TBRG1: variants seen among roughly 807,000 people sequenced by gnomAD.
The protein encoded by TBRG1 is nuclear interactor of ARF and MDM2.
In TBRG1, 31 loss-of-function variants were observed where a neutral mutation model predicts 44.0. The observed-to-expected ratio is 0.70, with a 90% confidence interval of 0.53 to 0.95. The LOEUF is 0.95. TBRG1 is among the 40% of genes least tolerant of loss of function. The pLI, the probability that TBRG1 is intolerant of heterozygous loss-of-function variation, is 0.00. For missense variants in TBRG1, 487 were observed against 496.1 expected (o/e 0.98, Z 0.18); for synonymous variants, 171 against 188.1 (o/e 0.91, Z 0.74).
chr11:124,628,173 C>T (rs1184697921), intron 5 of TBRG1, among the ~76,000 whole-genome samples: 1 of 144,528 alleles, frequency 6.9e-6, no homozygotes, highest in Non-Finnish European at 1.5e-5. Context: ...ATTCTTGTAT[C>T]TCTTTCCAGA....
Position 124,635,460 on chromosome 11 carries a change from C to CA in TBRG1, c.*3227dup, listed in dbSNP as rs989542465. The CA allele has an allele frequency of 2.0e-5, 3 of 152,058 alleles. No individual in the cohort carries two copies. Among genetic ancestry groups the CA allele is most frequent in the East Asian group, 3.9e-4 (2 of 5,194 alleles). 9.4% of individuals were successfully genotyped at this position (152,058 alleles called of 1,614,324 possible). The stretch of plus-strand genomic sequence containing the variant: ...ACTCTACAGAGGGGTAGAACTAAAG[C>CA]AAAAACCATCATTCACCCTACAGAG... On this transcript the variant is annotated 3_prime_UTR_variant, in exon 9 of 9. Coordinates refer to ENST00000441174, the MANE Select transcript of TBRG1 (RefSeq NM_032811.3).
intron 8 of TBRG1, 43 bp from the exon 9 acceptor site, chr11:124,632,050 G>C (rs757053422): frequency 1.9e-6 from 3 of 1,603,346 alleles, no homozygotes; most frequent in Admixed American, 3.3e-5. Flanking sequence ...AGTCTGCCCA[G>C]ACTCCCGAGC....
At chr11:124,628,559 G>A (rs1007904690) in intron 5 of TBRG1, among the ~76,000 whole-genome samples, 4 of 139,682 alleles carry the variant, frequency 2.9e-5, no homozygotes, top group Non-Finnish European at 6.4e-5. Flanking sequence ...GCATTTCACA[G>A]AAACAGTGCA....
intron 6 of TBRG1, 49 bp from the exon 7 acceptor site, chr11:124,630,696 T>C: frequency 7.4e-7 from 1 of 1,352,186 alleles, no homozygotes. Context: ...TAAATCCATC[T>C]TCATCTCCCG....
At chr11:124,630,000 G>A (rs4411285) in intron 5 of TBRG1, 2,917 of 160,578 alleles carry the variant, frequency 0.018, 68 homozygotes, top group East Asian at 0.095. Flanking sequence ...CAATGAAATG[G>A]CAGTTTGCAG....
chr11:124,625,989 G>A, intron 3 of TBRG1, 86 bp downstream of exon 3: 5 of 1,448,186 alleles, frequency 3.5e-6, no homozygotes, highest in Non-Finnish European at 4.6e-6. Context: ...GACACACACA[G>A]CTGCAGATGT....
At position 124,626,908 on chromosome 11, in the gene TBRG1, T is replaced by C. The variant is rs1942488642; in HGVS notation, c.596T>C (p.Ile199Thr). 1.2e-6 allele frequency: 2 copies of C among 1,605,280 alleles called. No individual in the cohort carries two copies. The highest frequency in any genetic ancestry group is 8.5e-7 in the Non-Finnish European group (1 of 1,175,472). The change falls in exon 5 of 9, where the codon ATC (isoleucine) becomes ACC (threonine). Residue 199 changes from isoleucine (I) to threonine (T), a missense_variant. Ile to Thr is a moderately conservative substitution (Grantham distance 89, BLOSUM62 -1). Coordinates refer to ENST00000441174, the MANE Select transcript of TBRG1 (RefSeq NM_032811.3). ...TTGGGGGAATGTTTTTTATAGATCATCACCGACCGACCTGGCTTTCATGAT... is the reference window on the plus strand; with the variant it reads ...TTGGGGGAATGTTTTTTATAGATCACCACCGACCGACCTGGCTTTCATGAT... ...GLTVYSLGEI[I>T]TDRPGFHDES...
intron 1 of TBRG1, among the ~76,000 whole-genome samples, chr11:124,624,070 T>C (rs1157843434): frequency 1.3e-5 from 2 of 152,220 alleles, no homozygotes; most frequent in Non-Finnish European, 2.9e-5. Flanking sequence ...GCACTTGCTA[T>C]GTGTATTGCT....
At chr11:124,630,904 G>A (rs776767666) in intron 7 of TBRG1, 49 bp downstream of exon 7, 39 of 1,316,380 alleles carry the variant, frequency 3.0e-5, no homozygotes, top group Middle Eastern at 1.8e-4. Flanking sequence ...GTGATCATCC[G>A]GCCAGGGACT....
In TBRG1 at chr11:124,634,035, A is replaced by G. The variant is rs907774834; in HGVS notation, c.*1797A>G. On this transcript the variant is annotated 3_prime_UTR_variant, in exon 9 of 9. Transcript: ENST00000441174. ...AAGATATGTGTAAAATGTTTTTACT[A>G]TGGATCATGGATTTAAGAAACTTGA... is the stretch of plus-strand genomic sequence containing the variant. 23 of 152,246 alleles carry G rather than the reference A, an allele frequency of 1.5e-4. No individual in the cohort carries two copies. The highest frequency in any genetic ancestry group is 5.3e-4 in the African/African-American group (22 of 41,462). The allele number at this position is 152,246 out of a possible 1,614,324, so 9.4% of individuals were successfully genotyped here. A position where few individuals can be genotyped will look rare whatever the true frequency, so the allele number is the denominator to read the frequency against.
chr11:124,630,940 C>T (rs566429197), intron 7 of TBRG1, 85 bp downstream of exon 7: 2 of 1,002,552 alleles, frequency 2.0e-6, no homozygotes, highest in South Asian at 2.8e-5. Flanking sequence ...GTTCACTGAC[C>T]TTCTGTGTCC....
intron 2 of TBRG1, 80 bp downstream of exon 2, chr11:124,625,081 A>G: frequency 9.7e-7 from 1 of 1,035,180 alleles, no homozygotes; most frequent in Non-Finnish European, 1.4e-6. Flanking sequence ...ACTGCTCTGG[A>G]GACTTTTTTT....
intron 1 of TBRG1, among the ~76,000 whole-genome samples, chr11:124,624,528 A>G (rs761938860): frequency 2.0e-5 from 3 of 152,184 alleles, no homozygotes; most frequent in Non-Finnish European, 4.4e-5. Flanking sequence ...GCACTTGGGA[A>G]TAGACAGTTT....
intron 1 of TBRG1, 69 bp from the exon 2 acceptor site, chr11:124,624,862 C>T (rs1942424850): frequency 2.7e-6 from 3 of 1,094,954 alleles, no homozygotes; most frequent in Admixed American, 2.4e-5. Context: ...AATATGGATC[C>T]TCTTCCCAGC....
chr11:124,627,303 T>G (rs1407075981), intron 5 of TBRG1, among the ~76,000 whole-genome samples: 2 of 152,228 alleles, frequency 1.3e-5, no homozygotes, highest in African/African-American at 4.8e-5. Flanking sequence ...AACTGCTGAC[T>G]TTGTGACTAT....
intron 1 of TBRG1, among the ~76,000 whole-genome samples, chr11:124,624,321 C>G (rs1942406358): frequency 7.3e-6 from 1 of 136,932 alleles, no homozygotes; most frequent in African/African-American, 2.7e-5. Context: ...TCAGCATTCC[C>G]TTCAGGATTG....
At chr11:124,630,153 T>C (rs1282623341) in intron 5 of TBRG1, 2 of 438,256 alleles carry the variant, frequency 4.6e-6, no homozygotes, top group African/African-American at 4.0e-5. Flanking sequence ...AATTAAACGC[T>C]CACTTTTGGA....
intron 1 of TBRG1, 77 bp from the exon 2 acceptor site, chr11:124,624,854 T>C: frequency 9.7e-7 from 1 of 1,032,086 alleles, no homozygotes; most frequent in South Asian, 1.5e-5. Flanking sequence ...TGGTTTGAAA[T>C]ATGGATCCTC....
chr11:124,626,117 G>A (rs1942462463), intron 3 of TBRG1, among the ~76,000 whole-genome samples: 1 of 152,138 alleles, frequency 6.6e-6, no homozygotes, highest in African/African-American at 2.4e-5. Context: ...AAATGCAAGG[G>A]GAGCAGACTG....
Sources: allele counts gnomAD v4.1 joint callset (sites outside exome capture counted in the v4.1 genomes callset), GRCh38; gene constraint gnomAD v4.1.1; transcripts MANE v1.5; gene names NCBI Gene and HGNC (gene_info 2026-07-23, HGNC 2026-07-21).